Variants in INTS4 observed in about 807,000 individuals in gnomAD.
INTS4 encodes MSTP093.
Under a neutral mutation model 119.5 loss-of-function variants are expected in INTS4, and 70 were observed. The observed-to-expected ratio is 0.59, with a 90% CI of 0.48 to 0.71. INTS4 has a LOEUF of 0.71. Ranked by LOEUF, INTS4 falls within the 30% of genes least tolerant of loss-of-function variation. The pLI is 0.00. For synonymous variants in INTS4, 316 were observed against 419.6 expected, an observed-to-expected ratio of 0.75 and a Z score of 3.02; for missense variants, 867 against 1,173.2, an observed-to-expected ratio of 0.74 and a Z score of 3.81.
At chr11:77,992,750 T>C (rs767938078) in intron 1 of INTS4, among the ~76,000 whole-genome samples, 27 of 152,202 alleles carry the variant, frequency 1.8e-4, no homozygotes, top group Non-Finnish European at 3.5e-4. Context: ...GGGGAAGGCC[T>C]TCTTCTATAG....
intron 8 of INTS4, among the ~76,000 whole-genome samples, chr11:77,950,228 C>T (rs775930998): frequency 6.6e-6 from 1 of 151,126 alleles, no homozygotes; most frequent in East Asian, 2.0e-4. Context: ...AGGGTGGGGG[C>T]TGGGGGAGGG....
chr11:77,920,932 G>A (rs1953345162), intron 14 of INTS4, among the ~76,000 whole-genome samples: 1 of 151,244 alleles, frequency 6.6e-6, no homozygotes, highest in Admixed American at 6.6e-5. Context: ...ATAATCTATT[G>A]TTCCAGGTTC....
chr11:77,891,480 A>C lies in INTS4; in HGVS notation c.2449-18T>G, dbSNP rs1394232387. 1.2e-6 allele frequency: 2 copies of C among 1,612,960 alleles called. No individual in the cohort carries two copies. Among genetic ancestry groups the C allele is most frequent in the Non-Finnish European group, 1.7e-6 (2 of 1,179,300 alleles). ...TTGTGGATCTGTAAGCAAGAGGAAA[A>C]TCCTATGATTTTAAAGCCAGGTCAT... On this transcript the variant is annotated intron_variant, in intron 20 of 22. Transcript: ENST00000534064.
At chr11:77,917,761 A>T (rs1953238272) in intron 15 of INTS4, among the ~76,000 whole-genome samples, 1 of 151,866 alleles carries the variant, frequency 6.6e-6, no homozygotes, top group Non-Finnish European at 1.5e-5. Flanking sequence ...AATGAGTTTA[A>T]ATTTTTTTCA....
downstream of INTS4, among the ~76,000 whole-genome samples, chr11:77,875,740 T>TAAGAGACAC (rs1267541492): frequency 6.6e-6 from 1 of 152,140 alleles, no homozygotes; most frequent in Non-Finnish European, 1.5e-5. Context: ...TCCAAGCCCA[T>TAAGAGACAC]AAGAGACACA....
At chr11:77,966,579 C>T (rs1423914275) in intron 4 of INTS4, among the ~76,000 whole-genome samples, 1 of 152,122 alleles carries the variant, frequency 6.6e-6, no homozygotes. Context: ...TTCTTGGCAC[C>T]ACTGTCAAAA....
intron 18 of INTS4, among the ~76,000 whole-genome samples, chr11:77,898,151 C>T (rs1310348290): frequency 6.6e-6 from 1 of 151,928 alleles, no homozygotes; most frequent in Non-Finnish European, 1.5e-5. Context: ...CAGTAAGAGG[C>T]CTTAACTGGC....
chr11:77,931,879 C>T (rs1447995318), intron 10 of INTS4, among the ~76,000 whole-genome samples: 6 of 152,174 alleles, frequency 3.9e-5, no homozygotes, highest in Non-Finnish European at 7.3e-5. Flanking sequence ...GGAAAACTGG[C>T]TAGCCATATG....
chr11:77,886,507 G>T (rs1051347950), intron 21 of INTS4, among the ~76,000 whole-genome samples: 1 of 152,226 alleles, frequency 6.6e-6, no homozygotes, highest in Non-Finnish European at 1.5e-5. Flanking sequence ...GAAATTCAAT[G>T]AAGCACGGGT....
chr11:77,897,170 G>A (rs576998864), intron 18 of INTS4, among the ~76,000 whole-genome samples: 2 of 151,834 alleles, frequency 1.3e-5, no homozygotes, highest in East Asian at 1.9e-4. Flanking sequence ...TTTAAAAGGC[G>A]ACAGAGAACA....
At chr11:77,971,148 G>A (rs1307242158) in intron 4 of INTS4, among the ~76,000 whole-genome samples, 13 of 152,140 alleles carry the variant, frequency 8.5e-5, no homozygotes, top group Admixed American at 8.5e-4. Flanking sequence ...GACAGGTGAT[G>A]TTAAGCTTTT....
intron 8 of INTS4, among the ~76,000 whole-genome samples, chr11:77,942,639 G>T (rs1393841485): frequency 1.3e-5 from 2 of 152,144 alleles, no homozygotes; most frequent in African/African-American, 4.8e-5. Flanking sequence ...GGAGAACATA[G>T]ATTTATATTT....
At chr11:77,889,138 C>A (rs979840159) in intron 21 of INTS4, among the ~76,000 whole-genome samples, 3 of 152,170 alleles carry the variant, frequency 2.0e-5, no homozygotes, top group Admixed American at 6.5e-5. Context: ...ATGTTTATTG[C>A]GGCACCACTC....
At chr11:77,935,695 A>G (rs993694906) in intron 10 of INTS4, among the ~76,000 whole-genome samples, 7 of 152,080 alleles carry the variant, frequency 4.6e-5, no homozygotes, top group African/African-American at 1.7e-4. Flanking sequence ...CAGGACTTCA[A>G]GCCTGGCCTG....
At chr11:77,948,420 GCGAAT>G (rs1349819892) in intron 8 of INTS4, among the ~76,000 whole-genome samples, 1 of 152,130 alleles carries the variant, frequency 6.6e-6, no homozygotes, top group Non-Finnish European at 1.5e-5. Context: ...GCCAAGGCAG[GCGAAT>G]CACTTGAGGC....
intron 2 of INTS4, chr11:77,986,983 T>A (rs1273152734): frequency 1.3e-5 from 2 of 151,992 alleles, no homozygotes; most frequent in Non-Finnish European, 2.9e-5. Context: ...ACCTAAAGTA[T>A]AATAATAAAA....
chr11:77,933,822 G>C lies in INTS4; in HGVS notation c.1165+4829C>G, dbSNP rs150055209. 2.0e-5 allele frequency among the ~76,000 whole-genome samples: 3 copies of C among 151,516 alleles called. No homozygotes were observed. In the East Asian group the frequency reaches 5.9e-4, roughly 30 times the overall value. ...CCGCCCCGTCCGGGAGGTGGGGGGC[G>C]CCTCTGCCCGGCCGCCCTGTCTGGG... is the stretch of plus-strand genomic sequence containing the variant. On this transcript the variant is annotated intron_variant, in intron 10 of 22. Coordinates refer to ENST00000534064, the MANE Select transcript of INTS4 (RefSeq NM_033547.4).
chr11:77,980,567 C>G (rs1165859655), intron 3 of INTS4, among the ~76,000 whole-genome samples: 1 of 152,098 alleles, frequency 6.6e-6, no homozygotes, highest in Non-Finnish European at 1.5e-5. Context: ...TTTGTAGAGA[C>G]AAGATCTAAT....
At chr11:77,906,066 T>C (rs1952943994) in intron 16 of INTS4, among the ~76,000 whole-genome samples, 1 of 152,184 alleles carries the variant, frequency 6.6e-6, no homozygotes, top group South Asian at 2.1e-4. Flanking sequence ...TAATTATATT[T>C]TGGGGATTTT....
Sources: gnomAD v4.1 joint callset for allele counts (sites outside exome capture counted in the v4.1 genomes callset) on GRCh38, gnomAD v4.1.1 for gene constraint, MANE v1.5 for transcripts, NCBI Gene and HGNC (gene_info 2026-07-23, HGNC 2026-07-21) for gene names.